The following PITPNC1 variants were observed in gnomAD, a reference collection of about 807,000 sequenced individuals.
PITPNC1 encodes phosphatidylinositol transfer protein cytoplasmic 1.
Under a neutral mutation model 44.7 loss-of-function variants are expected in PITPNC1, and 18 were observed. The ratio of observed to expected loss-of-function variants is 0.40; its 90% confidence interval spans 0.28 to 0.60. PITPNC1 has a LOEUF of 0.60. PITPNC1 is among the 20% of genes least tolerant of loss of function. The probability of loss-of-function intolerance (pLI) is 0.39; values close to 1 mark genes in which losing one functional copy is unlikely to be tolerated. For missense variants in PITPNC1, 290 were observed against 418.4 expected, an observed-to-expected ratio of 0.69 and a Z score of 2.68; for synonymous variants, 141 against 149.6, an observed-to-expected ratio of 0.94 and a Z score of 0.42.
At chr17:67,445,580 T>C (rs1310377406) in intron 1 of PITPNC1, among the ~76,000 whole-genome samples, 2 of 152,052 alleles carry the variant, frequency 1.3e-5, no homozygotes, top group East Asian at 3.8e-4. Context: ...AAAGGAATTG[T>C]GACAGGTGCA....
At chr17:67,437,555 T>C (rs1462376262) in intron 1 of PITPNC1, among the ~76,000 whole-genome samples, 1 of 152,180 alleles carries the variant, frequency 6.6e-6, no homozygotes, top group East Asian at 1.9e-4. Flanking sequence ...TGATACTGTG[T>C]TTCTGCAGCC....
intron 1 of PITPNC1, chr17:67,379,272 T>G: frequency 1.0e-6 from 1 of 985,358 alleles, no homozygotes; most frequent in Non-Finnish European, 1.2e-6. Context: ...ATCAGATATG[T>G]TTTTGAGCCA....
intron 1 of PITPNC1, among the ~76,000 whole-genome samples, chr17:67,516,664 C>T (rs1329525691): frequency 6.6e-6 from 1 of 152,134 alleles, no homozygotes; most frequent in Non-Finnish European, 1.5e-5. Context: ...CTAGCTCAGT[C>T]GCCCAGGCTG....
chr17:67,475,173 C>G (rs1019324868), intron 1 of PITPNC1, among the ~76,000 whole-genome samples: 4 of 152,174 alleles, frequency 2.6e-5, no homozygotes, highest in Non-Finnish European at 5.9e-5. Context: ...GTCTTTGGTT[C>G]TGAAAAGCGT....
chr17:67,579,624 T>TTC lies in PITPNC1; in HGVS notation c.366+1368_366+1369insCT, dbSNP rs1440809979. Among the ~76,000 whole-genome samples, 134 of 126,906 alleles carry TTC rather than the reference T, an allele frequency of 1.1e-3. 4 individuals carry two copies. The South Asian group carries it at 0.012, about 11-fold the overall frequency. The allele number at this position is 126,906 out of a possible 152,430, so 83.3% of individuals were successfully genotyped here. The stretch of plus-strand genomic sequence containing the variant: ...CCTTGTAAAATAGTGATTTTTTTTT[T>TTC]TTTTTTTTTTTTTTTTTTCTGATTA... On this transcript the variant is annotated intron_variant, in intron 5 of 8. Transcript: ENST00000581322.
intron 6 of PITPNC1, among the ~76,000 whole-genome samples, chr17:67,664,308 A>AC (rs1383196662): frequency 6.6e-6 from 1 of 152,172 alleles, no homozygotes; most frequent in Non-Finnish European, 1.5e-5. Context: ...GTATGGATAT[A>AC]CCACCTATTC....
chr17:67,514,991 T>A (rs1054552070), intron 1 of PITPNC1, among the ~76,000 whole-genome samples: 39 of 152,276 alleles, frequency 2.6e-4, no homozygotes, highest in African/African-American at 9.4e-4. Flanking sequence ...CACGTTGCCT[T>A]TATTAACTAG....
chr17:67,692,090 G>T (rs2042937350), intron 8 of PITPNC1, among the ~76,000 whole-genome samples: 1 of 151,902 alleles, frequency 6.6e-6, no homozygotes, highest in African/African-American at 2.4e-5. Flanking sequence ...ATACTTTCAT[G>T]ATCTAAAGTT....
chr17:67,629,903 A>G, intron 5 of PITPNC1, among the ~76,000 whole-genome samples: 1 of 152,244 alleles, frequency 6.6e-6, no homozygotes, highest in East Asian at 1.9e-4. Flanking sequence ...CTCGGGTCAG[A>G]CTAGGGAGTT....
At chr17:67,418,362 A>C (rs2038616493) in intron 1 of PITPNC1, among the ~76,000 whole-genome samples, 1 of 152,220 alleles carries the variant, frequency 6.6e-6, no homozygotes, top group East Asian at 1.9e-4. Flanking sequence ...TTAGTAAGTA[A>C]ATACTGACCC....
At chr17:67,611,448 G>A (rs2041685897) in intron 5 of PITPNC1, 1 of 152,194 alleles carries the variant, frequency 6.6e-6, no homozygotes, top group South Asian at 2.1e-4. Context: ...CAGATCAATA[G>A]ATGAATGGTT....
At chr17:67,630,485 G>T (rs1438188725) in intron 5 of PITPNC1, among the ~76,000 whole-genome samples, 1 of 152,100 alleles carries the variant, frequency 6.6e-6, no homozygotes, top group Non-Finnish European at 1.5e-5. Context: ...CGGGCTTGGT[G>T]GTGGGCACCT....
At chr17:67,604,567 G>C (rs972359397) in intron 5 of PITPNC1, among the ~76,000 whole-genome samples, 2 of 152,212 alleles carry the variant, frequency 1.3e-5, no homozygotes, top group African/African-American at 4.8e-5. Context: ...TGGATAGCTT[G>C]AGGTCAGGAG....
intron 5 of PITPNC1, among the ~76,000 whole-genome samples, chr17:67,586,573 T>C (rs186631144): frequency 0.017 from 2,516 of 151,570 alleles, 34 homozygotes; most frequent in South Asian, 0.049. Context: ...CCAGCCGGGG[T>C]GACAAGAGCA....
At chr17:67,531,664 C>T (rs2040463348) in intron 1 of PITPNC1, among the ~76,000 whole-genome samples, 1 of 152,216 alleles carries the variant, frequency 6.6e-6, no homozygotes, top group Admixed American at 6.5e-5. Flanking sequence ...CTATTTCTGT[C>T]TCTTATGCAG....
intron 5 of PITPNC1, among the ~76,000 whole-genome samples, chr17:67,629,746 ACTGT>A (rs1214843667): frequency 6.6e-6 from 1 of 152,188 alleles, no homozygotes; most frequent in Non-Finnish European, 1.5e-5. Context: ...TTGTTTCTCC[ACTGT>A]CTGTTTCATT....
chr17:67,602,326 A>G (rs2041551347), intron 5 of PITPNC1, among the ~76,000 whole-genome samples: 1 of 152,126 alleles, frequency 6.6e-6, no homozygotes, highest in Non-Finnish European at 1.5e-5. Flanking sequence ...GAGTAAGAGA[A>G]TACAGGTTGG....
chr17:67,391,507 G>C (rs2038139268), intron 1 of PITPNC1, among the ~76,000 whole-genome samples: 1 of 152,062 alleles, frequency 6.6e-6, no homozygotes, highest in Admixed American at 6.6e-5. Context: ...TTGAGATGGA[G>C]TCTCACATTG....
intron 1 of PITPNC1, among the ~76,000 whole-genome samples, chr17:67,461,408 T>A (rs1208438565): frequency 6.6e-6 from 1 of 152,210 alleles, no homozygotes; most frequent in African/African-American, 2.4e-5. Flanking sequence ...AGATGAAGGA[T>A]ACTAAGCATC....
Sources: allele counts gnomAD v4.1 joint callset (sites outside exome capture counted in the v4.1 genomes callset), GRCh38; gene constraint gnomAD v4.1.1; transcripts MANE v1.5; gene names NCBI Gene and HGNC (gene_info 2026-07-23, HGNC 2026-07-21).